Variants in TMC8 observed in about 807,000 individuals in gnomAD.
The protein encoded by TMC8 is transmembrane channel-like protein 8.
TMC8 carries 71 observed loss-of-function variants against 76.0 expected under a neutral mutation model. The observed-to-expected ratio is 0.93, with a 90% CI of 0.77 to 1.14. The LOEUF (loss-of-function observed/expected upper bound fraction) is 1.14. Among genes scored for constraint, TMC8 ranks in the 50% most tolerant of loss-of-function variants. TMC8 has a pLI of 0.00. For missense variants in TMC8, 924 were observed against 947.9 expected (o/e 0.97, Z 0.33); for synonymous variants, 433 against 433.8 (o/e 1.00, Z 0.02).
intron 9 of TMC8, among the ~76,000 whole-genome samples, chr17:78,136,208 A>G (rs2075224963): frequency 6.6e-6 from 1 of 152,252 alleles, no homozygotes; most frequent in African/African-American, 2.4e-5. Context: ...CACGCCTGTA[A>G]AGGCCAACAC....
At chr17:78,132,083 C>T in intron 3 of TMC8, 53 bp downstream of exon 3, 1 of 1,534,426 alleles carries the variant, frequency 6.5e-7, no homozygotes, top group South Asian at 1.2e-5. Flanking sequence ...GCCCCACTGC[C>T]CAGATCGGAA....
intron 9 of TMC8, among the ~76,000 whole-genome samples, chr17:78,136,434 C>T (rs2075232712): frequency 6.6e-6 from 1 of 151,978 alleles, no homozygotes; most frequent in African/African-American, 2.4e-5. Context: ...CGCGTCACTG[C>T]ACTCCAGCCT....
intron 15 of TMC8, among the ~76,000 whole-genome samples, chr17:78,140,326 CAA>C (rs34749218): frequency 2.3e-5 from 3 of 131,938 alleles, no homozygotes; most frequent in Non-Finnish European, 3.4e-5. Flanking sequence ...CCAGTTTCCA[CAA>C]AAAAAAAAAA....
In TMC8 at chr17:78,132,383, C is replaced by G; in HGVS notation, c.323C>G (p.Ser108Cys). 2 of 1,613,120 alleles carry G rather than the reference C, an allele frequency of 1.2e-6. No homozygotes were observed. Among genetic ancestry groups the G allele is most frequent in the Non-Finnish European group, 1.7e-6 (2 of 1,179,784 alleles). ...GGCCTCTTCGGCACAGGAATTCGGT[C>G]CTACTTCACCTTCCTCCGCTTCCTG... ...IGGLFGTGIRSYFTFLRFLLL... is the reference protein window; with the variant it reads ...IGGLFGTGIRCYFTFLRFLLL... Residue 108 changes from serine (S) to cysteine (C), a missense_variant, in exon 4 of 16, where the codon TCC (serine) becomes TGC (cysteine). Ser to Cys is a moderately radical substitution (Grantham distance 112, BLOSUM62 -1). Coordinates refer to ENST00000318430, the MANE Select transcript of TMC8 (RefSeq NM_152468.5).
At position 78,140,818 on chromosome 17, in the gene TMC8, C is replaced by T. The variant is rs1158698760; in HGVS notation, c.1903-16C>T. ...AAGCAGCGCCTGTCGCAACTCGCCA[C>T]TTGTTCTCCTCACAGCAGGTTCAGG... On this transcript the variant is annotated splice_polypyrimidine_tract_variant and intron_variant, in intron 15 of 15. Coordinates refer to ENST00000318430, the MANE Select transcript of TMC8 (RefSeq NM_152468.5). The T allele has an allele frequency of 6.3e-7, 1 of 1,599,906 alleles. No individual in the cohort carries two copies. Among genetic ancestry groups the T allele is most frequent in the Middle Eastern group, 1.7e-4 (1 of 5,984 alleles).
At chr17:78,134,041 G>C in intron 7 of TMC8, 41 bp downstream of exon 7, 1 of 1,613,292 alleles carries the variant, frequency 6.2e-7, no homozygotes, top group South Asian at 1.1e-5. Context: ...CAAGCTCCAG[G>C]TATATGGGAG....
Position 78,138,665 on chromosome 17 carries a change from A to T in TMC8, c.1756A>T (p.Ile586Phe). 1 of 1,613,674 alleles carries T rather than the reference A, an allele frequency of 6.2e-7. No individual in the cohort carries two copies. Among genetic ancestry groups the T allele is most frequent in the Non-Finnish European group, 8.5e-7 (1 of 1,180,012 alleles). ...GCTGGTGGCCCTTGGGCTCCCGCCC[A>T]TTGGCCAGCGTGCCCTCCACTACCT... ...PELVALGLPP[I>F]GQRALHYLGS... The change falls in exon 14 of 16, where the codon ATT becomes TTT. Residue 586 changes from isoleucine (I) to phenylalanine (F), a missense_variant. Physicochemically the swap from Ile to Phe is conservative, Grantham distance 21. Coordinates refer to ENST00000318430, the MANE Select transcript of TMC8 (RefSeq NM_152468.5).
At chr17:78,132,896 G>A (rs769125351) in intron 5 of TMC8, 26 bp downstream of exon 5, 1 of 1,613,432 alleles carries the variant, frequency 6.2e-7, no homozygotes, top group South Asian at 1.1e-5. Flanking sequence ...CCCGGCTATG[G>A]TCCAGAGTCT....
Position 78,138,347 on chromosome 17 carries a change from A to C in TMC8, c.1534-2A>C, listed in dbSNP as rs759485455. On this transcript the variant is annotated splice_acceptor_variant, in intron 12 of 15. Transcript: ENST00000318430. LOFTEE classifies it high-confidence loss of function. ...CCTGGTTGCTATTGCTTGCGCCCCC[A>C]GTACACCCTCCTGAAGAACTCCAGG... The C allele has an allele frequency of 6.2e-7, 1 of 1,610,742 alleles. No individual in the cohort carries two copies. The highest frequency in any genetic ancestry group is 1.7e-5 in the Admixed American group (1 of 60,004).
At chr17:78,135,522 G>C (rs933658920) in intron 9 of TMC8, among the ~76,000 whole-genome samples, 1 of 152,086 alleles carries the variant, frequency 6.6e-6, no homozygotes, top group Non-Finnish European at 1.5e-5. Context: ...GGGCTCAAGC[G>C]ATCCTCCCGC....
Position 78,138,104 on chromosome 17 carries a change from G to T in TMC8, c.1449G>T (p.Thr483=). Residue 483 remains threonine, a synonymous_variant, in exon 12 of 16, where the codon ACG becomes ACT. Transcript: ENST00000318430. ...KNVLDIVAGQ[T]VTWMGLFYCP... ...TGCTGGACATCGTGGCGGGGCAGACGGTCACCTGGATGGGCCTCTTCTACT... is the reference window on the plus strand; with the variant it reads ...TGCTGGACATCGTGGCGGGGCAGACTGTCACCTGGATGGGCCTCTTCTACT... 6.2e-7 allele frequency: 1 copy of T among 1,613,966 alleles called. No homozygotes were observed. Among genetic ancestry groups the T allele is most frequent in the Admixed American group, 1.7e-5 (1 of 60,024 alleles).
chr17:78,134,059 G>T (rs972961909), intron 7 of TMC8, 59 bp downstream of exon 7: 2 of 1,610,506 alleles, frequency 1.2e-6, no homozygotes, highest in Admixed American at 3.3e-5. Context: ...GAGCGAGTGC[G>T]TGAGAGCCAC....
At position 78,142,891 on chromosome 17, in the gene TMC8, C is replaced by A. The variant is rs994149989; in HGVS notation, c.*1779C>A. ...GAAGGAATCATCAAACTCTGGGCCT[C>A]GGTGTGCTCACCCAGGGCGAGACAA... On this transcript the variant is annotated 3_prime_UTR_variant, in exon 16 of 16. Coordinates refer to ENST00000318430, the MANE Select transcript of TMC8 (RefSeq NM_152468.5). 6.6e-6 allele frequency: 1 copy of A among 151,780 alleles called. No individual in the cohort carries two copies. Among genetic ancestry groups the A allele is most frequent in the Non-Finnish European group, 1.5e-5 (1 of 68,026 alleles). The allele number at this position is 151,780 out of a possible 1,614,324, so 9.4% of individuals were successfully genotyped here. A position where few individuals can be genotyped will look rare whatever the true frequency, so the allele number is the denominator to read the frequency against.
Position 78,131,442 on chromosome 17 carries a change from G to A in TMC8, c.-147G>A. The A allele has an allele frequency of 4.2e-6, 5 of 1,184,860 alleles. No individual in the cohort carries two copies. Among genetic ancestry groups the A allele is most frequent in the Non-Finnish European group, 6.0e-6 (5 of 836,764 alleles). 73.4% of individuals were successfully genotyped at this position (1,184,860 alleles called of 1,614,324 possible). A position where few individuals can be genotyped will look rare whatever the true frequency, so the allele number is the denominator to read the frequency against. ...CTAGGGCTGCAGGAGCCCAGGCCCC[G>A]ACGCCGGCGCAGAGGGGACGGAAGG... On this transcript the variant is annotated 5_prime_UTR_variant, in exon 2 of 16. Transcript: ENST00000318430.
chr17:78,140,940 G>C lies in TMC8; in HGVS notation c.2009G>C (p.Arg670Pro). The change falls in exon 16 of 16, where the codon CGC becomes CCC. Residue 670 changes from arginine to proline, a missense_variant. Arg to Pro is a moderately radical substitution (Grantham distance 103, BLOSUM62 -2). Transcript: ENST00000318430. Reference sequence around the variant, plus strand: ...AAGTACCCTGCCTCCCAAGCTTCGCGCCCGCAGTCCTTCTGCCCCGGATGC... The same window carrying C: ...AAGTACCCTGCCTCCCAAGCTTCGCCCCCGCAGTCCTTCTGCCCCGGATGC... ...GPKYPASQAS[R>P]PQSFCPGCPC... is the part of the protein sequence containing the mutation. 1 of 1,595,208 alleles carries C rather than the reference G, an allele frequency of 6.3e-7. No homozygotes were observed.
rs545665024 is a variant in TMC8 at position 78,131,460 on chromosome 17, A to C, written c.-129A>C. On this transcript the variant is annotated 5_prime_UTR_variant, in exon 2 of 16. Transcript: ENST00000318430. Reference sequence around the variant, plus strand: ...AGGCCCCGACGCCGGCGCAGAGGGGACGGAAGGGCCCGCCCCCAGCCCAGC... The same window carrying C: ...AGGCCCCGACGCCGGCGCAGAGGGGCCGGAAGGGCCCGCCCCCAGCCCAGC... The C allele has an allele frequency of 1.6e-4, 213 of 1,329,616 alleles. 3 individuals carry two copies. In the South Asian group the frequency reaches 2.5e-3, roughly 16 times the overall value. 82.4% of individuals were successfully genotyped at this position (1,329,616 alleles called of 1,614,324 possible).
chr17:78,137,561 G>T, intron 10 of TMC8, 156 bp from the exon 11 acceptor site: 3 of 1,130,092 alleles, frequency 2.7e-6, no homozygotes, highest in African/African-American at 1.5e-5. Flanking sequence ...GGGGCTTCCT[G>T]CTCTAATCCC....
chr17:78,132,494 C>G lies in TMC8; in HGVS notation c.434C>G (p.Pro145Arg), dbSNP rs1296104938. Residue 145 changes from proline to arginine, a missense_variant, in exon 4 of 16, where the codon CCC becomes CGC. By Grantham distance (103) the Pro-to-Arg change is moderately radical (BLOSUM62 -2). Coordinates refer to ENST00000318430, the MANE Select transcript of TMC8 (RefSeq NM_152468.5). ...TGGCTCCGCCCCCCTGACCCAGGCC[C>G]CACCCTGAACTTGAGTGAGTGTGAG... Reference protein sequence around the residue: ...LVWLRPPDPGPTLNLTLQCPG... With the variant: ...LVWLRPPDPGRTLNLTLQCPG... 2 of 1,610,636 alleles carry G rather than the reference C, an allele frequency of 1.2e-6. No individual in the cohort carries two copies. Among genetic ancestry groups the G allele is most frequent in the Middle Eastern group, 1.7e-4 (1 of 6,054 alleles).
chr17:78,138,375 A>T lies in TMC8; in HGVS notation c.1560A>T (p.Ala520=), dbSNP rs374622085. 93 of 1,611,442 alleles carry T rather than the reference A, an allele frequency of 5.8e-5. 1 individual carries two copies. Among genetic ancestry groups the T allele is most frequent in the Non-Finnish European group, 6.7e-5 (79 of 1,179,996 alleles). The change falls in exon 13 of 16, where the codon GCA becomes GCT. Residue 520 remains alanine (A), a synonymous_variant. Transcript: ENST00000318430. ...KKYTLLKNSR[A]SSRPFRASSS... is the part of the protein sequence containing the mutation. ...ACACCCTCCTGAAGAACTCCAGGGCATCTTCGCGGCCCTTCCGTGCCTCCA... is the reference window on the plus strand; with the variant it reads ...ACACCCTCCTGAAGAACTCCAGGGCTTCTTCGCGGCCCTTCCGTGCCTCCA...
Sources: allele counts gnomAD v4.1 joint callset (sites outside exome capture counted in the v4.1 genomes callset), GRCh38; gene constraint gnomAD v4.1.1; transcripts MANE v1.5; gene names NCBI Gene and HGNC (gene_info 2026-07-23, HGNC 2026-07-21).